Variants in MYO1E observed in about 807,000 individuals in gnomAD.
MYO1E encodes unconventional myosin-Ie.
In MYO1E, 68 loss-of-function variants were observed where a neutral mutation model predicts 151.1. That is an observed-to-expected ratio of 0.45 (90% confidence interval 0.37 to 0.55). The LOEUF (loss-of-function observed/expected upper bound fraction) is 0.55, where lower values mean the gene tolerates loss of function less well. Among genes scored for constraint, MYO1E ranks in the 20% least tolerant of loss-of-function variants. The pLI is 0.00. For synonymous variants in MYO1E, 601 were observed against 501.7 expected (o/e 1.20, Z -2.64); for missense variants, 1,363 against 1,389.3 (o/e 0.98, Z 0.30).
chr15:59,251,719 A>G (rs945256308), intron 4 of MYO1E, among the ~76,000 whole-genome samples: 5 of 152,262 alleles, frequency 3.3e-5, no homozygotes, highest in Non-Finnish European at 7.3e-5. Flanking sequence ...GTTTTGCAGT[A>G]CTGACTTGGG....
Position 59,223,110 on chromosome 15 carries a change from T to C in MYO1E, c.859A>G (p.Asn287Asp), listed in dbSNP as rs749100849. Residue 287 changes from asparagine (N) to aspartate (D), a missense_variant, in exon 9 of 28, where the codon AAC (asparagine) becomes GAC (aspartate). Coordinates refer to ENST00000288235, the MANE Select transcript of MYO1E (RefSeq NM_004998.4). ...TTGCCAACTTCTTTGAAGCTGATGT[T>C]TCCCAGGTGGAGAATACCCGCCACT... ...QIVAGILHLG[N>D]ISFKEVGNYA... 1 of 1,614,188 alleles carries C rather than the reference T, an allele frequency of 6.2e-7. No individual in the cohort carries two copies. Among genetic ancestry groups the C allele is most frequent in the East Asian group, 2.2e-5 (1 of 44,890 alleles).
chr15:59,215,397 T>G (rs1868605213), intron 10 of MYO1E, among the ~76,000 whole-genome samples: 1 of 152,236 alleles, frequency 6.6e-6, no homozygotes, highest in South Asian at 2.1e-4. Flanking sequence ...ACACCAAGGC[T>G]TGCTTAAGGT....
At chr15:59,195,648 T>C in intron 16 of MYO1E, 81 bp from the exon 17 acceptor site, 7 of 1,235,960 alleles carry the variant, frequency 5.7e-6, no homozygotes, top group Non-Finnish European at 8.4e-6. Context: ...TAAAACTCTC[T>C]TGTAGAAATA....
At chr15:59,146,303 A>C (rs1476642538) in intron 26 of MYO1E, among the ~76,000 whole-genome samples, 8 of 152,102 alleles carry the variant, frequency 5.3e-5, no homozygotes, top group African/African-American at 1.9e-4. Context: ...CATTGAGATA[A>C]TGGTTGTTTT....
intron 9 of MYO1E, 105 bp downstream of exon 9, chr15:59,222,954 C>T (rs944725304): frequency 1.1e-4 from 169 of 1,533,498 alleles, no homozygotes; most frequent in Middle Eastern, 2.3e-4. Flanking sequence ...TTTATCACTT[C>T]TTCCCAATAT....
At chr15:59,207,310 C>A in intron 14 of MYO1E, 1 of 1,614,122 alleles carries the variant, frequency 6.2e-7, no homozygotes, top group South Asian at 1.1e-5. Context: ...CACGAAAATG[C>A]CAAATATTGT....
intron 19 of MYO1E, 50 bp downstream of exon 19, chr15:59,178,343 G>A: frequency 6.2e-7 from 1 of 1,608,706 alleles, no homozygotes; most frequent in Non-Finnish European, 8.5e-7. Context: ...AGCAGGGCTG[G>A]CGGGGGCCCC....
intron 1 of MYO1E, among the ~76,000 whole-genome samples, chr15:59,311,673 T>C (rs1230721415): frequency 1.3e-5 from 2 of 152,162 alleles, no homozygotes; most frequent in Non-Finnish European, 2.9e-5. Flanking sequence ...AACGTTATGA[T>C]TTAAACGTGT....
intron 1 of MYO1E, among the ~76,000 whole-genome samples, chr15:59,369,893 A>G (rs1193503402): frequency 6.6e-6 from 1 of 152,212 alleles, no homozygotes; most frequent in Non-Finnish European, 1.5e-5. Flanking sequence ...ACACACGCAC[A>G]CACACACACT....
At position 59,191,332 on chromosome 15, in the gene MYO1E, C is replaced by CAGAGAGAGAGAGAGAGAGAGAG. The variant is rs34694267; in HGVS notation, c.1806-3138_1806-3117dup. 2.6e-3 allele frequency among the ~76,000 whole-genome samples: 270 copies of CAGAGAGAGAGAGAGAGAGAGAG among 105,694 alleles called. 9 individuals are homozygous for CAGAGAGAGAGAGAGAGAGAGAG. The highest frequency in any genetic ancestry group is 8.2e-3 in the African/African-American group (237 of 29,008). 69.3% of individuals were successfully genotyped at this position (105,694 alleles called of 152,430 possible). ...CCCATATAAGTCAGACAGACAGAGA[C>CAGAGAGAGAGAGAGAGAGAGAG]AGAGAGAGAGAGAGAGAGAGAGAGA... On this transcript the variant is annotated intron_variant, in intron 17 of 27. Transcript: ENST00000288235.
chr15:59,311,262 T>TTGAACC (rs1440874796), intron 1 of MYO1E, among the ~76,000 whole-genome samples: 1 of 152,016 alleles, frequency 6.6e-6, no homozygotes, highest in Non-Finnish European at 1.5e-5. Flanking sequence ...CGGTTTCAGG[T>TTGAACC]TGAAACCGTT....
intron 22 of MYO1E, among the ~76,000 whole-genome samples, 180 bp from the exon 23 acceptor site, chr15:59,163,483 T>G (rs1299722349): frequency 2.0e-5 from 3 of 152,190 alleles, no homozygotes; most frequent in Non-Finnish European, 4.4e-5. Context: ...ATGAAATTGC[T>G]GAAATCTGCT....
At chr15:59,150,438 T>C (rs1331420011) in intron 26 of MYO1E, among the ~76,000 whole-genome samples, 1 of 152,240 alleles carries the variant, frequency 6.6e-6, no homozygotes, top group Non-Finnish European at 1.5e-5. Context: ...AGCTGGCTGA[T>C]GTGCAAGTTT....
chr15:59,219,107 C>T (rs1425050816), intron 9 of MYO1E, among the ~76,000 whole-genome samples: 1 of 152,120 alleles, frequency 6.6e-6, no homozygotes, highest in Non-Finnish European at 1.5e-5. Flanking sequence ...TCATATCCTG[C>T]CCTAATGTCA....
At chr15:59,268,200 T>A (rs867401053) in intron 2 of MYO1E, among the ~76,000 whole-genome samples, 1 of 152,364 alleles carries the variant, frequency 6.6e-6, no homozygotes, top group African/African-American at 2.4e-5. Context: ...TTTTACCACT[T>A]AGCAGAGGAA....
At chr15:59,287,129 G>T (rs1322379511) in intron 1 of MYO1E, among the ~76,000 whole-genome samples, 1 of 152,204 alleles carries the variant, frequency 6.6e-6, no homozygotes, top group Non-Finnish European at 1.5e-5. Context: ...GACTTTAGGA[G>T]TGGGCTTGGG....
At chr15:59,256,239 T>G (rs375912096) in intron 4 of MYO1E, 45 bp downstream of exon 4, 1 of 1,429,202 alleles carries the variant, frequency 7.0e-7, no homozygotes, top group South Asian at 1.1e-5. Flanking sequence ...AACCACAGCA[T>G]AGTCTCATAT....
chr15:59,349,420 T>G (rs2080811718), intron 1 of MYO1E, among the ~76,000 whole-genome samples: 1 of 152,146 alleles, frequency 6.6e-6, no homozygotes, highest in South Asian at 2.1e-4. Context: ...CTCCCAGTAA[T>G]GCACTATTAG....
intron 17 of MYO1E, among the ~76,000 whole-genome samples, chr15:59,191,370 A>AGAGAGAGAGAGAGAGAGAGAGAG (rs1491073271): frequency 4.9e-5 from 6 of 123,336 alleles, no homozygotes; most frequent in African/African-American, 8.3e-5. Context: ...GAGAGAGAGA[A>AGAGAGAGAGAGAGAGAGAGAGAG]AGAAATGTCA....
Sources: allele counts gnomAD v4.1 joint callset (sites outside exome capture counted in the v4.1 genomes callset), GRCh38; gene constraint gnomAD v4.1.1; transcripts MANE v1.5; gene names NCBI Gene and HGNC (gene_info 2026-07-23, HGNC 2026-07-21).